PCDHGA6: variants seen among roughly 807,000 people sequenced by gnomAD.
PCDHGA6 encodes the protein protocadherin gamma-A6.
PCDHGA6 carries 41 observed loss-of-function variants against 60.6 expected under a neutral mutation model. The ratio of observed to expected loss-of-function variants is 0.68; its 90% CI spans 0.53 to 0.88. PCDHGA6 has a LOEUF of 0.88. Among genes scored for constraint, PCDHGA6 ranks in the 40% least tolerant of loss-of-function variants. The pLI, the probability that PCDHGA6 is intolerant of heterozygous loss-of-function variation, is 0.00. For synonymous variants in PCDHGA6, 594 were observed against 524.4 expected (o/e 1.13, Z -1.81); for missense variants, 1,312 against 1,203.0 (o/e 1.09, Z -1.34).
Position 141,376,287 on chromosome 5 carries a change from T to C in PCDHGA6, c.2204T>C (p.Met735Thr), listed in dbSNP as rs1160372923. 6.2e-6 allele frequency: 10 copies of C among 1,614,110 alleles called. No individual in the cohort carries two copies. In the Admixed American group the frequency reaches 6.7e-5, roughly 11 times the overall value. The change falls in exon 1 of 4, where the codon ATG becomes ACG. Residue 735 changes from methionine (M) to threonine (T), a missense_variant. Transcript: ENST00000517434. Reference protein sequence around the residue: ...LQASGGGLASMPGSHFVGVEG... With the variant: ...LQASGGGLASTPGSHFVGVEG... ...GCTTCGGGAGGTGGCTTAGCGAGCA[T>C]GCCCGGCTCGCACTTTGTGGGCGTG...
At position 141,477,761 on chromosome 5, in the gene PCDHGA6, AC is replaced by A. The variant is rs754006143; in HGVS notation, c.2425-17044del. ...CGATGGGGGCACCCCGGTCCTAGCC[AC>A]CAACATCAGCGTGAACATATTTGTC... On this transcript the variant is annotated intron_variant, in intron 1 of 3. Coordinates refer to ENST00000517434, the MANE Select transcript of PCDHGA6 (RefSeq NM_018919.3). This position sits in a 1 kb window ranked among gnomAD's most constrained non-coding sequence, Gnocchi z 4.9. 5 of 1,613,854 alleles carry A rather than the reference AC, an allele frequency of 3.1e-6. No homozygotes were observed. Among genetic ancestry groups the A allele is most frequent in the Non-Finnish European group, 4.2e-6 (5 of 1,180,044 alleles).
intron 1 of PCDHGA6, among the ~76,000 whole-genome samples, chr5:141,473,017 AGAAG>A (rs1484773075): frequency 7.0e-4 from 107 of 151,874 alleles, no homozygotes; most frequent in Middle Eastern, 3.4e-3. Flanking sequence ...AGAAAAAGAA[AGAAG>A]GAAGGAAGGA....
chr5:141,400,145 A>T (rs543908773), intron 1 of PCDHGA6: 6 of 1,613,314 alleles, frequency 3.7e-6, no homozygotes, highest in Non-Finnish European at 4.2e-6. Flanking sequence ...GATATCACTG[A>T]CCGCCCTGTA....
chr5:141,422,228 T>C (rs1561800204), intron 1 of PCDHGA6: 1 of 1,565,566 alleles, frequency 6.4e-7, no homozygotes, highest in Non-Finnish European at 8.6e-7. Flanking sequence ...ACCACGACGA[T>C]GTTGATCACT....
chr5:141,432,635 G>C lies in PCDHGA6; in HGVS notation c.2424+56128G>C, dbSNP rs754354737. On this transcript the variant is annotated intron_variant, in intron 1 of 3. Transcript: ENST00000517434. The surrounding 1 kb of genome is among the most constrained non-coding windows in gnomAD (Gnocchi z 6.0). ...CTCGGTGGGTCTGCACACGGGCGAG[G>C]TGCGCACGGCGCGAGCCCTGCTGGA... The C allele has an allele frequency of 5.6e-6, 9 of 1,612,886 alleles. No individual in the cohort carries two copies. Among genetic ancestry groups the C allele is most frequent in the Non-Finnish European group, 7.6e-6 (9 of 1,179,742 alleles).
chr5:141,384,928 A>G (rs1780667479), intron 1 of PCDHGA6: 3 of 1,614,014 alleles, frequency 1.9e-6, no homozygotes, highest in Non-Finnish European at 2.5e-6. Context: ...CGACCTGGGC[A>G]GCCTTGAGCC....
chr5:141,495,430 C>T (rs1189953474), intron 2 of PCDHGA6, among the ~76,000 whole-genome samples: 3 of 152,220 alleles, frequency 2.0e-5, no homozygotes, highest in Admixed American at 2.0e-4. Context: ...TCCCACTGTC[C>T]TCTGCCCCTA....
intron 2 of PCDHGA6, among the ~76,000 whole-genome samples, chr5:141,503,091 G>A (rs2099818095): frequency 6.6e-6 from 1 of 151,808 alleles, no homozygotes; most frequent in African/African-American, 2.4e-5. Flanking sequence ...CTGACCTCGT[G>A]GTCTGCCCGC....
rs1173306822 is a variant in PCDHGA6 at position 141,431,115 on chromosome 5, T to C, written c.2424+54608T>C. The C allele has an allele frequency of 9.3e-6, 15 of 1,613,492 alleles. No individual in the cohort carries two copies. The highest frequency in any genetic ancestry group is 1.3e-5 in the Non-Finnish European group (15 of 1,179,878). On this transcript the variant is annotated intron_variant, in intron 1 of 3. Coordinates refer to ENST00000517434, the MANE Select transcript of PCDHGA6 (RefSeq NM_018919.3). The surrounding 1 kb of genome is among the most constrained non-coding windows in gnomAD (Gnocchi z 4.8). The stretch of plus-strand genomic sequence containing the variant: ...GAGGATAAAGTGAAAATATATGGAG[T>C]AGAAGTAGAAGTAAGGGACATTAAC...
chr5:141,433,204 C>CT, intron 1 of PCDHGA6: 2 of 1,566,944 alleles, frequency 1.3e-6, no homozygotes, highest in Admixed American at 2.0e-5. Flanking sequence ...ATCAAATCTT[C>CT]TTTCTTTTTT....
intron 1 of PCDHGA6, chr5:141,430,828 G>C (rs760402028): frequency 1.3e-6 from 2 of 1,554,030 alleles, no homozygotes; most frequent in East Asian, 2.2e-5. Context: ...TGGGGACTCT[G>C]TGGGAGACCG....
chr5:141,489,794 T>TA lies in PCDHGA6; in HGVS notation c.2425-5009dup. The TA allele has an allele frequency of 1.2e-6, 2 of 1,614,120 alleles. No homozygotes were observed. The highest frequency in any genetic ancestry group is 2.2e-5 in the South Asian group (2 of 91,076). The stretch of plus-strand genomic sequence containing the variant: ...CACTTCTCTCTGAATGTGAAGACCC[T>TA]AAAAGATGGGAAGCCATTCCCAGAG... On this transcript the variant is annotated intron_variant, in intron 1 of 3. Transcript: ENST00000517434. This position sits in a 1 kb window ranked among gnomAD's most constrained non-coding sequence, Gnocchi z 4.5.
At chr5:141,408,214 C>CT (rs1471079476) in intron 1 of PCDHGA6, 1 of 1,555,074 alleles carries the variant, frequency 6.4e-7, no homozygotes. Flanking sequence ...TGGGAGGGAG[C>CT]TGCGCGCAGA....
At chr5:141,452,781 A>G (rs575869415) in intron 1 of PCDHGA6, among the ~76,000 whole-genome samples, 10 of 152,302 alleles carry the variant, frequency 6.6e-5, no homozygotes, top group African/African-American at 2.4e-4. Flanking sequence ...CTGAGAAAGT[A>G]ACATACCATC....
At chr5:141,416,033 C>T (rs770398549) in intron 1 of PCDHGA6, 22 of 202,600 alleles carry the variant, frequency 1.1e-4, no homozygotes, top group Non-Finnish European at 1.9e-4. Flanking sequence ...AAAGAAATCA[C>T]CTCTGGAAAC....
intron 1 of PCDHGA6, chr5:141,400,747 G>T (rs2094069778): frequency 5.0e-6 from 3 of 602,662 alleles, no homozygotes; most frequent in African/African-American, 1.9e-5. Context: ...TTTGCTCTTA[G>T]CTTCCTCTCT....
Position 141,450,006 on chromosome 5 carries a change from C to CTATTTTTT in PCDHGA6, c.2425-44800_2425-44799insATTTTTTT, listed in dbSNP as rs70988802. Among the ~76,000 whole-genome samples the CTATTTTTT allele has an allele frequency of 4.4e-4, 58 of 132,942 alleles. 2 individuals carry two copies. The highest frequency in any genetic ancestry group is 8.4e-4 in the African/African-American group (30 of 35,608). The allele number at this position is 132,942 out of a possible 152,430, so 87.2% of individuals were successfully genotyped here. A position where few individuals can be genotyped will look rare whatever the true frequency, so the allele number is the denominator to read the frequency against. ...CACATTGCATTTAGTTGCCATGTCT[C>CTATTTTTT]TTTTTTTTTTTTTTTTTTGAGACAG... On this transcript the variant is annotated intron_variant, in intron 1 of 3. Coordinates refer to ENST00000517434, the MANE Select transcript of PCDHGA6 (RefSeq NM_018919.3).
At chr5:141,421,407 G>T in intron 1 of PCDHGA6, 1 of 1,614,076 alleles carries the variant, frequency 6.2e-7, no homozygotes. Flanking sequence ...CCCGGGAGCT[G>T]GCGAAGCGCG....
chr5:141,410,517 C>A, intron 1 of PCDHGA6: 1 of 1,613,926 alleles, frequency 6.2e-7, no homozygotes, highest in Non-Finnish European at 8.5e-7. Context: ...TGCAGTGTGC[C>A]CCTACATTCC....
Sources: gnomAD v4.1 joint callset for allele counts (sites outside exome capture counted in the v4.1 genomes callset) on GRCh38, gnomAD v4.1.1 for gene constraint, Gnocchi (gnomAD v3.1) non-coding constraint, MANE v1.5 for transcripts, NCBI Gene and HGNC (gene_info 2026-07-23, HGNC 2026-07-21) for gene names.